RORA: variants seen among roughly 807,000 people sequenced by gnomAD.
RORA encodes the protein nuclear receptor ROR-alpha.
A neutral mutation model predicts 69.5 loss-of-function variants in RORA; 7 were observed. The ratio of observed to expected loss-of-function variants is 0.10; its 90% CI spans 0.06 to 0.19. The LOEUF is 0.19. Ranked by LOEUF, RORA falls within the 10% of genes least tolerant of loss-of-function variation. The pLI is 1.00. For missense variants in RORA, 457 were observed against 663.0 expected, an observed-to-expected ratio of 0.69 and a Z score of 3.41; for synonymous variants, 261 against 240.8, an observed-to-expected ratio of 1.08 and a Z score of -0.78.
intron 2 of RORA, among the ~76,000 whole-genome samples, chr15:60,580,435 T>G (rs1425480093): frequency 6.6e-6 from 1 of 152,228 alleles, no homozygotes; most frequent in Non-Finnish European, 1.5e-5. Context: ...TCCACCAATT[T>G]GAAATGTATC....
intron 1 of RORA, among the ~76,000 whole-genome samples, chr15:61,028,537 T>A (rs1448537777): frequency 6.6e-6 from 1 of 152,188 alleles, no homozygotes; most frequent in African/African-American, 2.4e-5. Context: ...TAGTTTACAG[T>A]CTGTTAGAAA....
chr15:60,513,026 A>G (rs947450826), intron 4 of RORA, among the ~76,000 whole-genome samples: 1 of 152,202 alleles, frequency 6.6e-6, no homozygotes, highest in Non-Finnish European at 1.5e-5. Flanking sequence ...TCGTAGTTAT[A>G]AGAGTCTAGG....
chr15:61,123,063 G>A (rs931010424), intron 1 of RORA, among the ~76,000 whole-genome samples: 8 of 151,976 alleles, frequency 5.3e-5, no homozygotes, highest in African/African-American at 1.7e-4. Context: ...TTGCTTTATC[G>A]CCCAGAGCCC....
intron 1 of RORA, among the ~76,000 whole-genome samples, chr15:60,777,077 T>C (rs370224694): frequency 1.4e-4 from 22 of 152,320 alleles, no homozygotes; most frequent in East Asian, 9.6e-4. Flanking sequence ...AATAAATGAA[T>C]GAATGTTATT....
intron 1 of RORA, among the ~76,000 whole-genome samples, chr15:60,912,706 A>T (rs1328177283): frequency 6.6e-6 from 1 of 152,100 alleles, no homozygotes; most frequent in African/African-American, 2.4e-5. Context: ...GTGAGCCAAG[A>T]TCGTGCCACT....
At chr15:60,897,031 G>A (rs1211095323) in intron 1 of RORA, among the ~76,000 whole-genome samples, 1 of 152,156 alleles carries the variant, frequency 6.6e-6, no homozygotes, top group East Asian at 1.9e-4. Flanking sequence ...GGAGAAGGCA[G>A]CTTCAGGAGT....
intron 1 of RORA, among the ~76,000 whole-genome samples, chr15:61,182,317 G>T (rs1247931094): frequency 6.6e-6 from 1 of 152,188 alleles, no homozygotes; most frequent in Non-Finnish European, 1.5e-5. Flanking sequence ...AGTCCTCAGG[G>T]TTTCCTTCCT....
chr15:60,647,611 T>G (rs1001927990), intron 2 of RORA, among the ~76,000 whole-genome samples: 3 of 152,162 alleles, frequency 2.0e-5, no homozygotes, highest in Admixed American at 2.0e-4. Context: ...GAAAATCTTA[T>G]TATTACTAGT....
chr15:60,493,454 A>G lies in RORA; in HGVS notation c.*4001T>C, dbSNP rs1029036781. 3.2e-4 allele frequency: 49 copies of G among 152,348 alleles called. No homozygotes were observed. Among genetic ancestry groups the G allele is most frequent in the African/African-American group, 1.2e-3 (49 of 41,580 alleles). The allele number at this position is 152,348 out of a possible 1,614,324, so 9.4% of individuals were successfully genotyped here. A position where few individuals can be genotyped will look rare whatever the true frequency, so the allele number is the denominator to read the frequency against. ...AAAAGCAACAATGAGAGAAGCTTAC[A>G]TACTACTTAAACCTTTTCATGAAAG... On this transcript the variant is annotated 3_prime_UTR_variant, in exon 11 of 11. Coordinates refer to ENST00000335670, the MANE Select transcript of RORA (RefSeq NM_134261.3).
intron 1 of RORA, among the ~76,000 whole-genome samples, chr15:61,053,165 G>A (rs929140685): frequency 6.6e-6 from 1 of 152,198 alleles, no homozygotes; most frequent in African/African-American, 2.4e-5. Context: ...TGAATCACTC[G>A]CTTTTCACCC....
intron 2 of RORA, among the ~76,000 whole-genome samples, chr15:60,566,454 T>C (rs1324719745): frequency 6.6e-6 from 1 of 152,210 alleles, no homozygotes; most frequent in Non-Finnish European, 1.5e-5. Flanking sequence ...TGTTAATTAA[T>C]CACAGTGCAT....
At chr15:61,143,660 A>G (rs948315645) in intron 1 of RORA, among the ~76,000 whole-genome samples, 3 of 152,246 alleles carry the variant, frequency 2.0e-5, no homozygotes, top group Non-Finnish European at 4.4e-5. Flanking sequence ...TTGACATTTC[A>G]GATGTGGGAA....
intron 1 of RORA, among the ~76,000 whole-genome samples, chr15:60,853,739 A>T (rs1481650956): frequency 1.3e-5 from 2 of 152,178 alleles, no homozygotes; most frequent in Non-Finnish European, 2.9e-5. Context: ...ATTTCAGGAG[A>T]ATTTAAATAT....
At chr15:60,813,639 T>TAG (rs10650569) in intron 1 of RORA, among the ~76,000 whole-genome samples, 10,077 of 152,188 alleles carry the variant, frequency 0.066, 443 homozygotes, top group African/African-American at 0.1. Context: ...TGGCTGAACT[T>TAG]AGAGTCTAAC....
chr15:61,036,295 A>T (rs1212066849), intron 1 of RORA, among the ~76,000 whole-genome samples: 1 of 152,170 alleles, frequency 6.6e-6, no homozygotes, highest in African/African-American at 2.4e-5. Flanking sequence ...TAGCAAGAGG[A>T]TGCAATCCTC....
intron 1 of RORA, among the ~76,000 whole-genome samples, chr15:60,865,644 A>T (rs1048884268): frequency 1.3e-5 from 2 of 152,200 alleles, no homozygotes; most frequent in Non-Finnish European, 2.9e-5. Context: ...AGTTACATTC[A>T]GCCTGACTCA....
chr15:61,213,713 G>A lies in RORA; in HGVS notation c.166+15340C>T, dbSNP rs1214806956. The A allele has an allele frequency of 6.6e-6, 1 of 152,142 alleles. No homozygotes were observed. Among genetic ancestry groups the A allele is most frequent in the Non-Finnish European group, 1.5e-5 (1 of 68,042 alleles). 9.4% of individuals were successfully genotyped at this position (152,142 alleles called of 1,614,324 possible). A position where few individuals can be genotyped will look rare whatever the true frequency, so the allele number is the denominator to read the frequency against. ...CTTCTCTATGTTATAGGTTTCCTAA[G>A]TATCTCTACTATAGCATGCTACATC... On this transcript the variant is annotated intron_variant, in intron 1 of 10. Transcript: ENST00000335670. This position sits in a 1 kb window ranked among gnomAD's most constrained non-coding sequence, Gnocchi z 4.1.
chr15:60,786,871 C>T (rs115762043), intron 1 of RORA, among the ~76,000 whole-genome samples: 4 of 152,148 alleles, frequency 2.6e-5, no homozygotes, highest in Non-Finnish European at 4.4e-5. Flanking sequence ...AGTCTCAGCT[C>T]GTGATAGGCA....
chr15:60,929,629 T>G (rs2279291), intron 1 of RORA, among the ~76,000 whole-genome samples: 83,271 of 152,032 alleles, frequency 0.55, 22,922 homozygotes, highest in South Asian at 0.64. Flanking sequence ...TGAAAATGTT[T>G]GGTTGGGAAA....
Sources: allele counts gnomAD v4.1 joint callset (sites outside exome capture counted in the v4.1 genomes callset), GRCh38; gene constraint gnomAD v4.1.1; non-coding constraint Gnocchi (gnomAD v3.1); transcripts MANE v1.5; gene names NCBI Gene and HGNC (gene_info 2026-07-23, HGNC 2026-07-21).